The following SORCS1 variants were observed in gnomAD, a reference collection of about 807,000 sequenced individuals.
The protein encoded by SORCS1 is sortilin related VPS10 domain containing receptor 1, also known as VPS10 domain-containing receptor SorCS1.
Under a neutral mutation model 146.1 loss-of-function variants are expected in SORCS1, and 60 were observed. The observed-to-expected ratio is 0.41, with a 90% CI of 0.33 to 0.51. The LOEUF (loss-of-function observed/expected upper bound fraction) is 0.51. SORCS1 is among the 20% of genes least tolerant of loss of function. The pLI, the probability that SORCS1 is intolerant of heterozygous loss-of-function variation, is 0.21. For synonymous variants in SORCS1, 637 were observed against 584.0 expected, an observed-to-expected ratio of 1.09 and a Z score of -1.31; for missense variants, 1,352 against 1,487.6, an observed-to-expected ratio of 0.91 and a Z score of 1.50.
chr10:106,892,807 T>C (rs546034069), intron 2 of SORCS1, among the ~76,000 whole-genome samples: 10 of 152,158 alleles, frequency 6.6e-5, no homozygotes, highest in African/African-American at 2.2e-4. Context: ...AACTGCACAT[T>C]TCAAATGAAA....
In SORCS1 at chr10:106,956,568, A is replaced by C; in HGVS notation, c.571T>G (p.Leu191Val). 6.2e-7 allele frequency: 1 copy of C among 1,614,166 alleles called. No homozygotes were observed. Among genetic ancestry groups the C allele is most frequent in the Non-Finnish European group, 8.5e-7 (1 of 1,180,000 alleles). The change falls in exon 2 of 26, where the codon TTG becomes GTG. Residue 191 changes from leucine (L) to valine (V), a missense_variant. Transcript: ENST00000263054. ...AGGTTATAGTCATAGAGCTTTGTCA[A>C]AATGAGAATCACCTGAAGGCAAAAG... is the stretch of plus-strand genomic sequence containing the variant. ...SGHNSSVILI[L>V]TKLYDYNLGS...
At chr10:107,014,278 GAAAAAA>G (rs749134517) in intron 1 of SORCS1, among the ~76,000 whole-genome samples, 1,509 of 138,246 alleles carry the variant, frequency 0.011, 14 homozygotes, top group Middle Eastern at 0.022. Flanking sequence ...AAAAAGAAAA[GAAAAAA>G]AGAGAGAGAG....
chr10:106,583,741 T>C (rs1452463621), intron 24 of SORCS1, among the ~76,000 whole-genome samples: 2 of 151,952 alleles, frequency 1.3e-5, no homozygotes, highest in African/African-American at 4.8e-5. Flanking sequence ...AACGCTAACC[T>C]TGAGTGATCC....
chr10:107,021,092 C>G (rs1380005645), intron 1 of SORCS1, among the ~76,000 whole-genome samples: 1 of 152,042 alleles, frequency 6.6e-6, no homozygotes, highest in Admixed American at 6.6e-5. Flanking sequence ...CACATGAATA[C>G]ACTGCATGAA....
intron 2 of SORCS1, among the ~76,000 whole-genome samples, chr10:106,881,347 G>A (rs549734441): frequency 2.6e-5 from 4 of 152,170 alleles, no homozygotes; most frequent in Non-Finnish European, 2.9e-5. Context: ...AATAACTATC[G>A]TCATTTTGGC....
intron 1 of SORCS1, among the ~76,000 whole-genome samples, chr10:107,009,043 T>C (rs1957577820): frequency 6.6e-6 from 1 of 152,190 alleles, no homozygotes; most frequent in Non-Finnish European, 1.5e-5. Context: ...CTCTATTTTG[T>C]TTGCTTTGGT....
intron 2 of SORCS1, among the ~76,000 whole-genome samples, chr10:106,835,631 T>A (rs1022433357): frequency 2.0e-5 from 3 of 152,204 alleles, no homozygotes; most frequent in African/African-American, 7.2e-5. Flanking sequence ...AGAACTGGAA[T>A]ATAAGCAATA....
At chr10:106,859,898 C>T (rs1169604495) in intron 2 of SORCS1, among the ~76,000 whole-genome samples, 16 of 152,210 alleles carry the variant, frequency 1.1e-4, no homozygotes, top group African/African-American at 3.9e-4. Context: ...TATCTCTCTC[C>T]ACCATTTAGC....
chr10:107,147,532 CCT>C (rs1292218395), intron 1 of SORCS1, among the ~76,000 whole-genome samples: 2 of 152,086 alleles, frequency 1.3e-5, no homozygotes, highest in African/African-American at 4.8e-5. Context: ...TTCTCTCTCC[CCT>C]CTCTCTTCCT....
intron 5 of SORCS1, among the ~76,000 whole-genome samples, chr10:106,746,762 T>C (rs1394808715): frequency 6.6e-6 from 1 of 152,204 alleles, no homozygotes; most frequent in African/African-American, 2.4e-5. Context: ...ATAAAGATGT[T>C]GGGTCCAGGA....
chr10:106,909,882 G>A (rs1952066301), intron 2 of SORCS1, among the ~76,000 whole-genome samples: 2 of 152,154 alleles, frequency 1.3e-5, no homozygotes, highest in African/African-American at 2.4e-5. Context: ...TGCTATGCAT[G>A]TGGTTGCTGA....
the SORCS1 span, among the ~76,000 whole-genome samples, chr10:107,173,289 A>T: frequency 6.6e-6 from 1 of 152,180 alleles, no homozygotes; most frequent in South Asian, 2.1e-4. Context: ...AGGATGAATA[A>T]GTCTAGAATC....
intron 2 of SORCS1, among the ~76,000 whole-genome samples, chr10:106,919,364 A>G (rs961782315): frequency 2.0e-5 from 3 of 152,162 alleles, no homozygotes; most frequent in African/African-American, 4.8e-5. Context: ...AAAACATCTA[A>G]TACTACTGAT....
At chr10:106,802,646 GC>G (rs1323095592) in intron 3 of SORCS1, among the ~76,000 whole-genome samples, 3 of 152,084 alleles carry the variant, frequency 2.0e-5, no homozygotes, top group Non-Finnish European at 4.4e-5. Context: ...TTACAGGCAT[GC>G]CCCACCATGC....
chr10:107,133,733 G>A (rs1967043347), intron 1 of SORCS1, among the ~76,000 whole-genome samples: 1 of 152,106 alleles, frequency 6.6e-6, no homozygotes, highest in Non-Finnish European at 1.5e-5. Context: ...GCTGGCACTT[G>A]GAGACAACTG....
chr10:107,121,567 G>C (rs1022243882), intron 1 of SORCS1, among the ~76,000 whole-genome samples: 5 of 152,014 alleles, frequency 3.3e-5, no homozygotes, highest in African/African-American at 9.7e-5. Context: ...GGCATTAAAT[G>C]TAAAATGGCT....
At chr10:106,916,788 C>T (rs1315222110) in intron 2 of SORCS1, among the ~76,000 whole-genome samples, 5 of 151,998 alleles carry the variant, frequency 3.3e-5, no homozygotes, top group African/African-American at 4.8e-5. Flanking sequence ...CCCACTCTGT[C>T]GGCCAGGCTG....
chr10:106,795,291 GTTTGTTT>G (rs527254447), intron 3 of SORCS1, among the ~76,000 whole-genome samples: 10 of 149,136 alleles, frequency 6.7e-5, no homozygotes, highest in Admixed American at 4.6e-4. Flanking sequence ...GTTTTTTTTT[GTTTGTTT>G]TTTGTTTTTT....
intron 17 of SORCS1, among the ~76,000 whole-genome samples, chr10:106,662,092 T>A (rs1204332638): frequency 2.6e-5 from 4 of 152,224 alleles, no homozygotes; most frequent in Non-Finnish European, 5.9e-5. Context: ...TTCTAAGTCC[T>A]AGCCAGCAAC....
Sources: gnomAD v4.1 joint callset for allele counts (sites outside exome capture counted in the v4.1 genomes callset) on GRCh38, gnomAD v4.1.1 for gene constraint, MANE v1.5 for transcripts, NCBI Gene and HGNC (gene_info 2026-07-23, HGNC 2026-07-21) for gene names.